Variants in PIP5K1C observed in about 807,000 individuals in gnomAD.
PIP5K1C encodes phosphatidylinositol 4-phosphate 5-kinase type-1 gamma.
Under a neutral mutation model 80.1 loss-of-function variants are expected in PIP5K1C, and 45 were observed. That is an observed-to-expected ratio of 0.56 (90% confidence interval 0.44 to 0.72). The LOEUF is 0.72. PIP5K1C is among the 30% of genes least tolerant of loss of function. The pLI is 0.00. For synonymous variants in PIP5K1C, 498 were observed against 420.1 expected, an observed-to-expected ratio of 1.19 and a Z score of -2.27; for missense variants, 753 against 954.6, an observed-to-expected ratio of 0.79 and a Z score of 2.78.
rs1057297666 is a variant in PIP5K1C at position 3,638,909 on chromosome 19, T to G, written c.1895A>C (p.Asp632Ala). The G allele has an allele frequency of 1.2e-6, 2 of 1,612,598 alleles. No individual in the cohort carries two copies. Among genetic ancestry groups the G allele is most frequent in the African/African-American group, 2.7e-5 (2 of 74,812 alleles). ...APASQASDEEDAPATDIYFPT... is the reference protein window; with the variant it reads ...APASQASDEEAAPATDIYFPT... ...AAAGTAGATGTCGGTGGCGGGCGCG[T>G]CCTCCTCGTCCGAGGCCTGGCTGGC... Residue 632 changes from aspartate (D) to alanine (A), a missense_variant, in exon 16 of 18, where the codon GAC becomes GCC. By Grantham distance (126) the Asp-to-Ala change is moderately radical (BLOSUM62 -2). This residue lies in a region of PIP5K1C where 315 missense variants were observed against 294.5 expected (regional missense o/e 1.07). Coordinates refer to ENST00000335312, the MANE Select transcript of PIP5K1C (RefSeq NM_012398.3).
chr19:3,694,492 G>T (rs1320625703), intron 1 of PIP5K1C, among the ~76,000 whole-genome samples: 1 of 152,098 alleles, frequency 6.6e-6, no homozygotes, highest in African/African-American at 2.4e-5. Context: ...CAGGCCCCTC[G>T]TCTGCCTCCA....
In PIP5K1C at chr19:3,688,424, T is replaced by C. The variant is rs2035840220; in HGVS notation, c.94+11873A>G. ...CCCCTGCTGTGGGCGGGGAGGGATC[T>C]AGAAGACCGGAAGGCTATTTCCAGG... is the stretch of plus-strand genomic sequence containing the variant. On this transcript the variant is annotated intron_variant, in intron 1 of 17. Transcript: ENST00000335312. This position sits in a 1 kb window ranked among gnomAD's most constrained non-coding sequence, Gnocchi z 5.3. Among the ~76,000 whole-genome samples the C allele has an allele frequency of 6.6e-6, 1 of 152,106 alleles. No homozygotes were observed.
chr19:3,680,154 T>A (rs2035541232), intron 1 of PIP5K1C, among the ~76,000 whole-genome samples: 1 of 152,206 alleles, frequency 6.6e-6, no homozygotes, highest in African/African-American at 2.4e-5. Context: ...ACTCCCAGCG[T>A]GGTGAATGGT....
At chr19:3,641,465 C>A (rs1285392121) in intron 15 of PIP5K1C, among the ~76,000 whole-genome samples, 1 of 152,114 alleles carries the variant, frequency 6.6e-6, no homozygotes, top group African/African-American at 2.4e-5. Flanking sequence ...GGAGCACCCC[C>A]CAGTTCTAAC....
intron 14 of PIP5K1C, 91 bp downstream of exon 14, chr19:3,642,816 A>G: frequency 1.0e-6 from 1 of 991,940 alleles, no homozygotes. Flanking sequence ...GAATGGGCAG[A>G]GAGCAGAGGG....
chr19:3,673,469 A>G (rs1288677268), intron 1 of PIP5K1C, among the ~76,000 whole-genome samples: 1 of 152,188 alleles, frequency 6.6e-6, no homozygotes, highest in African/African-American at 2.4e-5. Flanking sequence ...CAGCAAGGGA[A>G]GGCCAGTGAG....
intron 5 of PIP5K1C, among the ~76,000 whole-genome samples, chr19:3,658,135 C>T (rs2034700827): frequency 6.6e-6 from 1 of 152,206 alleles, no homozygotes; most frequent in Non-Finnish European, 1.5e-5. Context: ...CAAGTCACCA[C>T]CCCCGCCCTG....
chr19:3,688,306 A>C lies in PIP5K1C; in HGVS notation c.94+11991T>G, dbSNP rs2035835580. 6.6e-6 allele frequency among the ~76,000 whole-genome samples: 1 copy of C among 152,070 alleles called. No homozygotes were observed. Among genetic ancestry groups the C allele is most frequent in the Non-Finnish European group, 1.5e-5 (1 of 68,004 alleles). On this transcript the variant is annotated intron_variant, in intron 1 of 17. Coordinates refer to ENST00000335312, the MANE Select transcript of PIP5K1C (RefSeq NM_012398.3). The surrounding 1 kb of genome is among the most constrained non-coding windows in gnomAD (Gnocchi z 5.3). Reference sequence around the variant, plus strand: ...TGAAGGGAATTCCTTCCAGAGCCTGAGGTTAGGCCGTGGTGGGAAACAGAG... The same window carrying C: ...TGAAGGGAATTCCTTCCAGAGCCTGCGGTTAGGCCGTGGTGGGAAACAGAG...
In PIP5K1C at chr19:3,686,702, G is replaced by A. The variant is rs889150988; in HGVS notation, c.94+13595C>T. 2.0e-5 allele frequency among the ~76,000 whole-genome samples: 3 copies of A among 151,130 alleles called. No individual in the cohort carries two copies. In the South Asian group the frequency reaches 6.3e-4, roughly 32 times the overall value. On this transcript the variant is annotated intron_variant, in intron 1 of 17. Transcript: ENST00000335312. ...CATTGCACTCCAGCCTGGGCAACAGGAGCGAAACTCCGTCTCAAAATAAAT... is the reference window on the plus strand; with the variant it reads ...CATTGCACTCCAGCCTGGGCAACAGAAGCGAAACTCCGTCTCAAAATAAAT...
rs1374031633 is a variant in PIP5K1C, at chr19:3,637,922, C to T, written c.1920+962G>A. The T allele has an allele frequency of 1.6e-5, 24 of 1,535,136 alleles. No homozygotes were observed. Among genetic ancestry groups the T allele is most frequent in the South Asian group, 4.8e-5 (4 of 84,046 alleles). ...CCAGTCCCAGGAAAAGGGGTGACGA[C>T]GTGCGGTGGGTAGGGGCACAGGCAC... On this transcript the variant is annotated intron_variant, in intron 16 of 17. Coordinates refer to ENST00000335312, the MANE Select transcript of PIP5K1C (RefSeq NM_012398.3). This position sits in a 1 kb window ranked among gnomAD's most constrained non-coding sequence, Gnocchi z 7.0.
chr19:3,661,876 G>A lies in PIP5K1C; in HGVS notation c.345C>T (p.Phe115=), dbSNP rs755787782. ...QDFYVVESIF[F]PSEGSNLTPA... is the part of the protein sequence containing the mutation. ...GCTCCGGGGGCCCGGCCCACCTGGG[G>A]AAGAAGATGCTCTCCACCACGTAGA... Residue 115 remains phenylalanine, a synonymous_variant, in exon 4 of 18, where the codon TTC becomes TTT. Transcript: ENST00000335312. The A allele has an allele frequency of 1.9e-6, 3 of 1,612,142 alleles. No homozygotes were observed. Among genetic ancestry groups the A allele is most frequent in the Non-Finnish European group, 1.7e-6 (2 of 1,179,972 alleles).
intron 1 of PIP5K1C, among the ~76,000 whole-genome samples, chr19:3,677,291 A>G (rs575619459): frequency 6.6e-6 from 1 of 151,644 alleles, no homozygotes; most frequent in African/African-American, 2.4e-5. Context: ...AAAAAGAGAA[A>G]GTTTTAGGCC....
intron 1 of PIP5K1C, among the ~76,000 whole-genome samples, chr19:3,676,154 G>A (rs2035350366): frequency 1.4e-5 from 2 of 144,752 alleles, no homozygotes; most frequent in African/African-American, 2.6e-5. Context: ...GGCCTCCCGC[G>A]TGACCGTCTC....
chr19:3,689,712 G>C (rs2035884364), intron 1 of PIP5K1C, among the ~76,000 whole-genome samples: 1 of 152,118 alleles, frequency 6.6e-6, no homozygotes, highest in Admixed American at 6.6e-5. Context: ...GGCTGCTTCA[G>C]GCAGAGAGGT....
intron 1 of PIP5K1C, among the ~76,000 whole-genome samples, chr19:3,685,450 GC>G (rs907183666): frequency 2.0e-5 from 3 of 152,218 alleles, no homozygotes; most frequent in African/African-American, 7.2e-5. Context: ...GTTTTATTGG[GC>G]CAGGCACGGT....
intron 6 of PIP5K1C, 85 bp downstream of exon 6, chr19:3,656,320 C>T (rs2145462273): frequency 6.6e-7 from 1 of 1,524,438 alleles, no homozygotes; most frequent in Non-Finnish European, 9.0e-7. Flanking sequence ...GCCTGCTTGC[C>T]CAAGCCTTGC....
chr19:3,640,242 C>A (rs543651410), intron 15 of PIP5K1C, among the ~76,000 whole-genome samples: 1 of 152,188 alleles, frequency 6.6e-6, no homozygotes, highest in African/African-American at 2.4e-5. Context: ...GGGGCCGCCA[C>A]GGGGCTCACG....
intron 8 of PIP5K1C, among the ~76,000 whole-genome samples, chr19:3,651,548 TCCTGTGGATGG>T (rs1183556665): frequency 8.5e-5 from 13 of 152,094 alleles, no homozygotes; most frequent in Non-Finnish European, 1.8e-4. Context: ...TCTCTCTCAT[TCCTGTGGATGG>T]CCAGTGGCCT....
At chr19:3,636,879 A>G (rs2033709903) in intron 16 of PIP5K1C, 7 of 995,160 alleles carry the variant, frequency 7.0e-6, no homozygotes, top group Non-Finnish European at 8.4e-6. Context: ...TATTGGTCAT[A>G]ATGACAACAG....
Sources: gnomAD v4.1 joint callset for allele counts (sites outside exome capture counted in the v4.1 genomes callset) on GRCh38, gnomAD v4.1.1 for gene constraint, gnomAD v4.1.1 regional missense constraint, Gnocchi (gnomAD v3.1) non-coding constraint, MANE v1.5 for transcripts, NCBI Gene and HGNC (gene_info 2026-07-23, HGNC 2026-07-21) for gene names.